Variants in ADAMTS17 observed in about 807,000 individuals in gnomAD.
ADAMTS17 encodes the protein ADAM metallopeptidase with thrombospondin type 1 motif 17.
A neutral mutation model predicts 141.5 loss-of-function variants in ADAMTS17; 113 were observed. The ratio of observed to expected loss-of-function variants is 0.80; its 90% CI spans 0.69 to 0.93. The LOEUF (loss-of-function observed/expected upper bound fraction) is 0.93, where lower values mean the gene tolerates loss of function less well. ADAMTS17 is among the 40% of genes least tolerant of loss of function. ADAMTS17 has a pLI of 0.00. For missense variants in ADAMTS17, 1,659 were observed against 1,517.9 expected, an observed-to-expected ratio of 1.09 and a Z score of -1.54; for synonymous variants, 768 against 630.6, an observed-to-expected ratio of 1.22 and a Z score of -3.27.
chr15:100,249,583 G>C (rs1397289406), intron 7 of ADAMTS17, among the ~76,000 whole-genome samples: 3 of 152,158 alleles, frequency 2.0e-5, no homozygotes, highest in Non-Finnish European at 4.4e-5. Context: ...TAACTTCTAT[G>C]TGATGTCAGT....
At chr15:100,008,612 A>C (rs1179677479) in intron 18 of ADAMTS17, among the ~76,000 whole-genome samples, 1 of 152,200 alleles carries the variant, frequency 6.6e-6, no homozygotes, top group Non-Finnish European at 1.5e-5. Flanking sequence ...GGGCTGGTGG[A>C]TTATGGCATC....
At chr15:100,092,288 A>C (rs1172600357) in intron 15 of ADAMTS17, among the ~76,000 whole-genome samples, 1 of 152,242 alleles carries the variant, frequency 6.6e-6, no homozygotes, top group Non-Finnish European at 1.5e-5. Flanking sequence ...GTAAGCATTT[A>C]ATGGCCTCTG....
At chr15:100,262,945 G>T (rs973331904) in intron 4 of ADAMTS17, among the ~76,000 whole-genome samples, 14 of 152,026 alleles carry the variant, frequency 9.2e-5, no homozygotes, top group African/African-American at 3.1e-4. Context: ...CCTTAAAAAT[G>T]GATTTGCCAA....
intron 15 of ADAMTS17, among the ~76,000 whole-genome samples, chr15:100,081,684 C>T (rs2034746763): frequency 6.6e-6 from 1 of 152,142 alleles, no homozygotes; most frequent in Admixed American, 6.5e-5. Context: ...TTTAAGCCAA[C>T]CAACACTATA....
intron 18 of ADAMTS17, among the ~76,000 whole-genome samples, chr15:100,040,561 G>A (rs752347294): frequency 1.3e-5 from 2 of 151,872 alleles, no homozygotes; most frequent in Admixed American, 6.6e-5. Flanking sequence ...CTTTTGATGG[G>A]TTGCAGAGCC....
chr15:100,180,654 T>C (rs1458633566), intron 8 of ADAMTS17, among the ~76,000 whole-genome samples: 1 of 152,230 alleles, frequency 6.6e-6, no homozygotes, highest in Non-Finnish European at 1.5e-5. Context: ...TCATGAACGC[T>C]GAATATCTTT....
In ADAMTS17 at chr15:100,161,969, T is replaced by TG. The variant is rs527778006; in HGVS notation, c.1182-6650dup. Among the ~76,000 whole-genome samples, 196 of 152,230 alleles carry TG rather than the reference T, an allele frequency of 1.3e-3. 2 individuals carry two copies. Among genetic ancestry groups the TG allele is most frequent in the Admixed American group, 2.7e-3 (41 of 15,292 alleles). Reference sequence around the variant, plus strand: ...CAATAAGGCGAACCCCAGAGTAGACTGGGGGTCGCCATAGATTTAGCTGTA... The same window carrying TG: ...CAATAAGGCGAACCCCAGAGTAGACTGGGGGGTCGCCATAGATTTAGCTGTA... On this transcript the variant is annotated intron_variant, in intron 8 of 21. Transcript: ENST00000268070.
intron 7 of ADAMTS17, among the ~76,000 whole-genome samples, chr15:100,202,423 A>G (rs1431533739): frequency 6.6e-6 from 1 of 152,240 alleles, no homozygotes; most frequent in African/African-American, 2.4e-5. Flanking sequence ...CAGCCTGGTC[A>G]TAAAACTGAG....
chr15:100,012,667 T>A (rs1407866891), intron 18 of ADAMTS17, among the ~76,000 whole-genome samples: 2 of 152,208 alleles, frequency 1.3e-5, no homozygotes, highest in African/African-American at 4.8e-5. Flanking sequence ...TATGTTTTTG[T>A]TTGCTTTGTC....
Position 99,984,048 on chromosome 15 carries a change from C to G in ADAMTS17, c.2950-7826G>C, listed in dbSNP as rs572509275. The stretch of plus-strand genomic sequence containing the variant: ...TGCCGTCGCTGGGAAACAGGAAATG[C>G]TTCCCAGACACCCCCTCCCACGCCC... On this transcript the variant is annotated intron_variant, in intron 20 of 21. Transcript: ENST00000268070. Among the ~76,000 whole-genome samples, 9 of 152,258 alleles carry G rather than the reference C, an allele frequency of 5.9e-5. No individual in the cohort carries two copies. The South Asian group carries it at 1.9e-3, about 32-fold the overall frequency.
At chr15:100,249,732 A>G (rs1473421041) in intron 7 of ADAMTS17, among the ~76,000 whole-genome samples, 1 of 152,206 alleles carries the variant, frequency 6.6e-6, no homozygotes, top group African/African-American at 2.4e-5. Context: ...GTGGAGACAA[A>G]TGGGCTGATG....
chr15:100,191,338 C>G (rs2040909957), intron 8 of ADAMTS17, among the ~76,000 whole-genome samples: 1 of 152,228 alleles, frequency 6.6e-6, no homozygotes. Flanking sequence ...ACGCTGAGCT[C>G]CAGCCAACAG....
At chr15:100,335,697 A>T (rs533009526) in intron 2 of ADAMTS17, among the ~76,000 whole-genome samples, 3 of 152,236 alleles carry the variant, frequency 2.0e-5, no homozygotes, top group Admixed American at 6.5e-5. Flanking sequence ...TTAATGCCTT[A>T]ATGTGCCAGG....
chr15:100,068,913 GAGA>G (rs1420608949), intron 15 of ADAMTS17, among the ~76,000 whole-genome samples: 1 of 152,200 alleles, frequency 6.6e-6, no homozygotes, highest in Non-Finnish European at 1.5e-5. Context: ...GATAAGCTGA[GAGA>G]AGAAGGCTTC....
At chr15:100,120,474 A>C (rs991076612) in intron 12 of ADAMTS17, among the ~76,000 whole-genome samples, 4 of 152,230 alleles carry the variant, frequency 2.6e-5, no homozygotes, top group African/African-American at 9.6e-5. Context: ...GTGCAGATGC[A>C]GAAGATGGCT....
At chr15:100,284,461 G>A (rs1200928042) in intron 3 of ADAMTS17, among the ~76,000 whole-genome samples, 1 of 152,198 alleles carries the variant, frequency 6.6e-6, no homozygotes, top group Admixed American at 6.5e-5. Context: ...TGAGTGCAGG[G>A]CAGAGCTTGC....
chr15:100,204,905 T>C (rs2041473619), intron 7 of ADAMTS17, among the ~76,000 whole-genome samples: 1 of 152,204 alleles, frequency 6.6e-6, no homozygotes, highest in Admixed American at 6.5e-5. Flanking sequence ...CTTCCAGACT[T>C]TCCCCTTGGC....
chr15:100,130,043 C>A (rs2037955085), intron 12 of ADAMTS17, among the ~76,000 whole-genome samples: 1 of 152,162 alleles, frequency 6.6e-6, no homozygotes, highest in African/African-American at 2.4e-5. Context: ...GGTTTCTAAT[C>A]ATCTACCCAC....
chr15:100,048,998 A>G lies in ADAMTS17; in HGVS notation c.2456-6T>C, dbSNP rs568976724. 4 of 1,614,066 alleles carry G rather than the reference A, an allele frequency of 2.5e-6. No homozygotes were observed. Among genetic ancestry groups the G allele is most frequent in the African/African-American group, 1.3e-5 (1 of 74,920 alleles). ...GACGATGGTTCTGCGCTCCCCTGGA[A>G]ACCAAACCACAGGGAGCTGAGAGAC... is the stretch of plus-strand genomic sequence containing the variant. On this transcript the variant is annotated splice_polypyrimidine_tract_variant and splice_region_variant and intron_variant, in intron 17 of 21. Transcript: ENST00000268070.
Sources: allele counts gnomAD v4.1 joint callset (sites outside exome capture counted in the v4.1 genomes callset), GRCh38; gene constraint gnomAD v4.1.1; transcripts MANE v1.5; gene names NCBI Gene and HGNC (gene_info 2026-07-23, HGNC 2026-07-21).